Variants in SLC27A4 observed in about 807,000 individuals in gnomAD.
The protein encoded by SLC27A4 is solute carrier family 27 member 4.
A neutral mutation model predicts 64.4 loss-of-function variants in SLC27A4; 33 were observed. The observed-to-expected ratio is 0.51, with a 90% CI of 0.39 to 0.68. SLC27A4 has a LOEUF of 0.68. SLC27A4 is among the 30% of genes least tolerant of loss of function. The probability of loss-of-function intolerance (pLI) is 0.00; values close to 1 mark genes in which losing one functional copy is unlikely to be tolerated. For missense variants in SLC27A4, 824 were observed against 883.5 expected, an observed-to-expected ratio of 0.93 and a Z score of 0.85; for synonymous variants, 377 against 370.0, an observed-to-expected ratio of 1.02 and a Z score of -0.22.
rs759568447 is a variant in SLC27A4 at position 128,348,711 on chromosome 9, C to G, written c.715+8C>G. ...CTGACAAGGGCTTCACAGGTGGGCT[C>G]CATCCCCTCCCCATAGAGGGGCTCT... On this transcript the variant is annotated splice_region_variant and intron_variant, in intron 4 of 12. Transcript: ENST00000300456. The G allele has an allele frequency of 1.9e-6, 3 of 1,613,680 alleles. No homozygotes were observed. The highest frequency in any genetic ancestry group is 2.2e-5 in the East Asian group (1 of 44,874).
Position 128,340,559 on chromosome 9 carries a change from C to A in SLC27A4, c.-286C>A. The A allele has an allele frequency of 5.0e-6, 1 of 199,314 alleles. No individual in the cohort carries two copies. Among genetic ancestry groups the A allele is most frequent in the South Asian group, 1.7e-4 (1 of 5,960 alleles). 12.3% of individuals were successfully genotyped at this position (199,314 alleles called of 1,614,324 possible). A position where few individuals can be genotyped will look rare whatever the true frequency, so the allele number is the denominator to read the frequency against. On this transcript the variant is annotated 5_prime_UTR_variant, in exon 1 of 13. The change creates a new upstream start codon in the 5' untranslated region. Transcript: ENST00000300456. The stretch of plus-strand genomic sequence containing the variant: ...CTGGGGCTGCGCTGCGCCGCCGGCT[C>A]TGTGGCTTGCCGGCTTCGGGGAAGG...
chr9:128,353,331 G>A lies in SLC27A4; in HGVS notation c.1198-84G>A, dbSNP rs1241934513. ...GGGCAGAGTTCGAGCGTGAGAGTGT[G>A]GGTGCTGGAGTCCCACTTCCCCCTC... On this transcript the variant is annotated intron_variant, in intron 8 of 12. Coordinates refer to ENST00000300456, the MANE Select transcript of SLC27A4 (RefSeq NM_005094.4). This position sits in a 1 kb window ranked among gnomAD's most constrained non-coding sequence, Gnocchi z 4.9. 5 of 1,610,560 alleles carry A rather than the reference G, an allele frequency of 3.1e-6. No individual in the cohort carries two copies. Among genetic ancestry groups the A allele is most frequent in the Non-Finnish European group, 4.2e-6 (5 of 1,177,454 alleles).
Position 128,340,851 on chromosome 9 carries a change from C to A in SLC27A4, c.-7+13C>A. ...GAGCCGACGCCGGGTGAGCATAGAC[C>A]GGGCTGGTGGGTTCCCGGGTGGGGA... On this transcript the variant is annotated intron_variant, in intron 1 of 12. Coordinates refer to ENST00000300456, the MANE Select transcript of SLC27A4 (RefSeq NM_005094.4). 1.5e-6 allele frequency: 1 copy of A among 664,136 alleles called. No individual in the cohort carries two copies. The highest frequency in any genetic ancestry group is 2.8e-6 in the Non-Finnish European group (1 of 359,590). The allele number at this position is 664,136 out of a possible 1,614,324, so 41.1% of individuals were successfully genotyped here.
Position 128,360,663 on chromosome 9 carries a change from C to G in SLC27A4, c.*172C>G, listed in dbSNP as rs576195157. ...GTGACTCATTGCCTTCCCAACCCTT[C>G]CAGAGGCTTTCTGTGAAAGTCTCAT... On this transcript the variant is annotated 3_prime_UTR_variant, in exon 13 of 13. Coordinates refer to ENST00000300456, the MANE Select transcript of SLC27A4 (RefSeq NM_005094.4). The G allele has an allele frequency of 4.6e-6, 3 of 652,046 alleles. No homozygotes were observed. The highest frequency in any genetic ancestry group is 7.9e-6 in the Non-Finnish European group (3 of 379,126). The allele number at this position is 652,046 out of a possible 1,614,324, so 40.4% of individuals were successfully genotyped here. A position where few individuals can be genotyped will look rare whatever the true frequency, so the allele number is the denominator to read the frequency against.
chr9:128,342,869 A>G lies in SLC27A4; in HGVS notation c.-6-258A>G, dbSNP rs1356430458. ...CAAGGTCACTTGGAGAATGGTGGGC[A>G]GAGATGGGACTATGAGACGAGAACC... On this transcript the variant is annotated intron_variant, in intron 1 of 12. Coordinates refer to ENST00000300456, the MANE Select transcript of SLC27A4 (RefSeq NM_005094.4). 3 of 564,866 alleles carry G rather than the reference A, an allele frequency of 5.3e-6. No homozygotes were observed. The African/African-American group carries it at 5.7e-5, about 11-fold the overall frequency. 35.0% of individuals were successfully genotyped at this position (564,866 alleles called of 1,614,324 possible).
rs1317447365 is a variant in SLC27A4, at chr9:128,350,383, T to A, written c.785+2T>A. On this transcript the variant is annotated splice_donor_variant, in intron 5 of 12. Transcript: ENST00000300456. LOFTEE classifies it high-confidence loss of function. ...GGCCGCCATCGTGGTGCACAGCAGG[T>A]AAGGGGCAGGTGCCCAGGGTGGGGT... 1 of 1,613,422 alleles carries A rather than the reference T, an allele frequency of 6.2e-7. No homozygotes were observed. The highest frequency in any genetic ancestry group is 8.5e-7 in the Non-Finnish European group (1 of 1,179,916).
At chr9:128,342,348 G>T in intron 1 of SLC27A4, 1 of 1,611,780 alleles carries the variant, frequency 6.2e-7, no homozygotes, top group Non-Finnish European at 8.5e-7. Flanking sequence ...AACAGGAGAA[G>T]CAAGCAAGCG....
chr9:128,344,538 CAAAG>C (rs937729000), intron 2 of SLC27A4, among the ~76,000 whole-genome samples: 2 of 151,230 alleles, frequency 1.3e-5, no homozygotes, highest in African/African-American at 4.9e-5. Flanking sequence ...AACAAAAAAA[CAAAG>C]GTGGCAGGAA....
In SLC27A4 at chr9:128,342,074, A is replaced by G. The variant is rs569052281; in HGVS notation, c.-6-1053A>G. On this transcript the variant is annotated intron_variant, in intron 1 of 12. Coordinates refer to ENST00000300456, the MANE Select transcript of SLC27A4 (RefSeq NM_005094.4). ...TTAAGTCAGTACCCACCCCCAGGCCATCCGGTTTTAGGGACCCTGGATGTC... is the reference window on the plus strand; with the variant it reads ...TTAAGTCAGTACCCACCCCCAGGCCGTCCGGTTTTAGGGACCCTGGATGTC... The G allele has an allele frequency of 1.8e-5, 12 of 650,424 alleles. No homozygotes were observed. In the South Asian group the frequency reaches 2.1e-4, roughly 11 times the overall value. The allele number at this position is 650,424 out of a possible 1,614,324, so 40.3% of individuals were successfully genotyped here. A position where few individuals can be genotyped will look rare whatever the true frequency, so the allele number is the denominator to read the frequency against.
chr9:128,351,687 A>G lies in SLC27A4; in HGVS notation c.878-951A>G, dbSNP rs1479544293. ...AGCCTAGATCGTGCCATTGCACATCAGCCTGGGTGACAGGGCAAGACTCTG... is the reference window on the plus strand; with the variant it reads ...AGCCTAGATCGTGCCATTGCACATCGGCCTGGGTGACAGGGCAAGACTCTG... On this transcript the variant is annotated intron_variant, in intron 6 of 12. Coordinates refer to ENST00000300456, the MANE Select transcript of SLC27A4 (RefSeq NM_005094.4). Among the ~76,000 whole-genome samples the G allele has an allele frequency of 2.0e-5, 3 of 152,210 alleles. No individual in the cohort carries two copies. In the East Asian group the frequency reaches 5.8e-4, roughly 29 times the overall value.
rs531075070 is a variant in SLC27A4, at chr9:128,341,465, G to A, written c.-7+627G>A. On this transcript the variant is annotated intron_variant, in intron 1 of 12. Transcript: ENST00000300456. ...CCCTAGACCCCAAAGATTCATCCGA[G>A]TGGCTGTGTGTGTCTGTGTGATGGG... Among the ~76,000 whole-genome samples the A allele has an allele frequency of 1.1e-3, 167 of 152,326 alleles. 1 individual carries two copies. The highest frequency in any genetic ancestry group is 3.9e-3 in the African/African-American group (164 of 41,572).
intron 3 of SLC27A4, among the ~76,000 whole-genome samples, chr9:128,346,577 C>T (rs757487325): frequency 3.1e-4 from 47 of 152,146 alleles, no homozygotes; most frequent in Admixed American, 6.6e-4. Context: ...GTGACATGGA[C>T]CTGTAGTCCC....
rs747532616 is a variant in SLC27A4, at chr9:128,360,472, C to G, written c.1913C>G (p.Ala638Gly). ...LDQEAYSRIQ[A>G]GEEKL ...CAAGAGGCCTACAGCCGCATCCAGG[C>G]AGGCGAGGAGAAGCTGTGATTCCCC... The change falls in exon 13 of 13, where the codon GCA becomes GGA. Residue 638 changes from alanine (A) to glycine (G), a missense_variant. Physicochemically the swap from Ala to Gly is moderately conservative, Grantham distance 60. Transcript: ENST00000300456. The G allele has an allele frequency of 6.2e-7, 1 of 1,614,046 alleles. No individual in the cohort carries two copies. Among genetic ancestry groups the G allele is most frequent in the Admixed American group, 1.7e-5 (1 of 60,028 alleles).
intron 2 of SLC27A4, 22 bp downstream of exon 2, chr9:128,343,315 T>C: frequency 6.2e-7 from 1 of 1,614,008 alleles, no homozygotes; most frequent in Non-Finnish European, 8.5e-7. Flanking sequence ...GCCCAGCCTT[T>C]CCTGGGGTCT....
At position 128,355,535 on chromosome 9, in the gene SLC27A4, G is replaced by A. The variant is rs374720830; in HGVS notation, c.1600G>A (p.Val534Met). ...CAGCCGCCTGCTGGACATGGCTGAC[G>A]TGGCCGTGTATGGTGTCGAGGTGCC... ...TLSRLLDMAD[V>M]AVYGVEVPGT... The change falls in exon 11 of 13, where the codon GTG becomes ATG. Residue 534 changes from valine to methionine, a missense_variant. Physicochemically the swap from Val to Met is conservative, Grantham distance 21. Transcript: ENST00000300456. 5.0e-6 allele frequency: 8 copies of A among 1,612,120 alleles called. No individual in the cohort carries two copies. Among genetic ancestry groups the A allele is most frequent in the African/African-American group, 4.0e-5 (3 of 74,938 alleles).
rs1388886631 is a variant in SLC27A4 at position 128,355,767 on chromosome 9, T to C, written c.1745T>C (p.Leu582Pro). The C allele has an allele frequency of 1.2e-6, 2 of 1,613,606 alleles. No homozygotes were observed. Among genetic ancestry groups the C allele is most frequent in the African/African-American group, 1.3e-5 (1 of 74,944 alleles). ...ELPLYARPIF[L>P]RLLPELHKTG... ...CCCCTGTATGCGCGCCCCATCTTCC[T>C]GCGCCTCCTGCCTGAGCTGCACAAA... The change falls in exon 12 of 13, where the codon CTG becomes CCG. Residue 582 changes from leucine (L) to proline (P), a missense_variant. Transcript: ENST00000300456.
chr9:128,352,803 A>G lies in SLC27A4; in HGVS notation c.987+56A>G, dbSNP rs140839097. 33 of 1,361,580 alleles carry G rather than the reference A, an allele frequency of 2.4e-5. No homozygotes were observed. In the South Asian group the frequency reaches 3.1e-4, roughly 13 times the overall value. 84.3% of individuals were successfully genotyped at this position (1,361,580 alleles called of 1,614,324 possible). On this transcript the variant is annotated intron_variant, in intron 7 of 12. Transcript: ENST00000300456. ...CTTTCCCCTAGTTACCCTCTTCCCA[A>G]CTACACTCCGGGGCATCTGTCTTAT...
rs183007998 is a variant in SLC27A4, at chr9:128,353,020, C to T, written c.988-5C>T. 1,254 of 1,611,758 alleles carry T rather than the reference C, an allele frequency of 7.8e-4. 14 individuals are homozygous for T. The African/African-American group carries it at 0.015, about 20-fold the overall frequency. On this transcript the variant is annotated splice_polypyrimidine_tract_variant and splice_region_variant and intron_variant, in intron 7 of 12. Coordinates refer to ENST00000300456, the MANE Select transcript of SLC27A4 (RefSeq NM_005094.4). The surrounding 1 kb of genome is among the most constrained non-coding windows in gnomAD (Gnocchi z 4.9). ...AGCCTCGAATCACACCAAGTTCACC[C>T]CCAGATTGTGCAGTACATTGGTGAA...
At chr9:128,360,291 C>G in intron 12 of SLC27A4, 43 bp from the exon 13 acceptor site, 1 of 1,612,116 alleles carries the variant, frequency 6.2e-7, no homozygotes, top group Non-Finnish European at 8.5e-7. Flanking sequence ...GCTGGGAGCT[C>G]GGGCCCCTGC....
Sources: allele counts gnomAD v4.1 joint callset (sites outside exome capture counted in the v4.1 genomes callset), GRCh38; gene constraint gnomAD v4.1.1; non-coding constraint Gnocchi (gnomAD v3.1); transcripts MANE v1.5; gene names NCBI Gene and HGNC (gene_info 2026-07-23, HGNC 2026-07-21).